PDE8B: variants seen among roughly 807,000 people sequenced by gnomAD.
The protein encoded by PDE8B is high affinity cAMP-specific and IBMX-insensitive 3',5'-cyclic phosphodiesterase 8B.
PDE8B carries 26 observed loss-of-function variants against 101.3 expected under a neutral mutation model. The ratio of observed to expected loss-of-function variants is 0.26; its 90% CI spans 0.19 to 0.36. The LOEUF (loss-of-function observed/expected upper bound fraction) is 0.36. Among genes scored for constraint, PDE8B ranks in the 10% least tolerant of loss-of-function variants. PDE8B has a pLI of 1.00. For missense variants in PDE8B, 810 were observed against 1,163.1 expected (o/e 0.70, Z 4.42); for synonymous variants, 424 against 429.3 (o/e 0.99, Z 0.15).
the PDE8B span, chr5:77,087,738 A>G: frequency 6.6e-6 from 1 of 152,260 alleles, no homozygotes; most frequent in Non-Finnish European, 1.5e-5. Context: ...CTGAAAGGTC[A>G]ACTTTTCTGG....
chr5:77,221,254 A>G (rs1041965332), intron 1 of PDE8B, among the ~76,000 whole-genome samples: 1 of 152,042 alleles, frequency 6.6e-6, no homozygotes, highest in Non-Finnish European at 1.5e-5. Flanking sequence ...GTCTCTTTTA[A>G]TCTGTAGCTT....
chr5:77,126,253 C>G, the PDE8B span, among the ~76,000 whole-genome samples: 1 of 151,768 alleles, frequency 6.6e-6, no homozygotes, highest in South Asian at 2.1e-4. Context: ...CCACTACATT[C>G]CAGCCTGGGC....
chr5:77,280,672 G>C (rs1207002706), intron 1 of PDE8B, among the ~76,000 whole-genome samples: 1 of 152,044 alleles, frequency 6.6e-6, no homozygotes. Context: ...AAGGCGGGTG[G>C]ATCACAAGGT....
chr5:77,318,878 A>G (rs1426712227), intron 2 of PDE8B, among the ~76,000 whole-genome samples: 1 of 152,230 alleles, frequency 6.6e-6, no homozygotes, highest in African/African-American at 2.4e-5. Flanking sequence ...TTGACAATCC[A>G]TTTGAAGACA....
At chr5:77,178,167 T>C in the PDE8B span, among the ~76,000 whole-genome samples, 70 of 152,308 alleles carry the variant, frequency 4.6e-4, 2 homozygotes, top group South Asian at 0.012. Flanking sequence ...TGGCTTTTCT[T>C]TTTCTTTTAT....
At chr5:77,260,610 C>T (rs1760363975) in intron 1 of PDE8B, among the ~76,000 whole-genome samples, 1 of 103,942 alleles carries the variant, frequency 9.6e-6, no homozygotes. Context: ...TTTTTGGAGA[C>T]AGAGTCTCAC....
rs538882649 is a variant in PDE8B, at chr5:77,332,778, G to A, written c.708+1319G>A. 4.3e-3 allele frequency among the ~76,000 whole-genome samples: 644 copies of A among 151,266 alleles called. 4 individuals are homozygous for A. Among genetic ancestry groups the A allele is most frequent in the Non-Finnish European group, 7.5e-3 (506 of 67,890 alleles). On this transcript the variant is annotated intron_variant, in intron 5 of 21. Coordinates refer to ENST00000264917, the MANE Select transcript of PDE8B (RefSeq NM_003719.5). Reference sequence around the variant, plus strand: ...CTTGAACCCAGGAGGTGGAGGTTGCGGTGAGCCAAGATTGCAACATTGCAC... The same window carrying A: ...CTTGAACCCAGGAGGTGGAGGTTGCAGTGAGCCAAGATTGCAACATTGCAC...
At chr5:77,241,799 C>G (rs2149549343) in intron 1 of PDE8B, among the ~76,000 whole-genome samples, 1 of 152,338 alleles carries the variant, frequency 6.6e-6, no homozygotes, top group South Asian at 2.1e-4. Flanking sequence ...CCACAAGTGT[C>G]TGGCTAACTT....
intron 1 of PDE8B, among the ~76,000 whole-genome samples, chr5:77,250,441 T>C (rs1757849452): frequency 6.6e-6 from 1 of 152,186 alleles, no homozygotes; most frequent in Non-Finnish European, 1.5e-5. Flanking sequence ...ACAAGGGACC[T>C]GGGACAGGGA....
chr5:77,259,140 C>A (rs1759937017), intron 1 of PDE8B, among the ~76,000 whole-genome samples: 1 of 143,394 alleles, frequency 7.0e-6, no homozygotes, highest in African/African-American at 2.6e-5. Flanking sequence ...CTCCAGCTGA[C>A]CTGTTTGCAT....
chr5:77,394,099 A>T (rs1291493464), intron 10 of PDE8B, among the ~76,000 whole-genome samples: 10 of 152,254 alleles, frequency 6.6e-5, no homozygotes, highest in African/African-American at 2.4e-4. Flanking sequence ...AAGAATACTC[A>T]TGAAAAGTTT....
intron 1 of PDE8B, among the ~76,000 whole-genome samples, chr5:77,278,545 T>C (rs779321876): frequency 2.0e-5 from 3 of 152,222 alleles, no homozygotes; most frequent in East Asian, 1.9e-4. Context: ...TCTTGTCTCA[T>C]TGCAAGCTCT....
intron 2 of PDE8B, among the ~76,000 whole-genome samples, chr5:77,320,725 G>A (rs554051791): frequency 6.6e-6 from 1 of 152,126 alleles, no homozygotes; most frequent in Admixed American, 6.5e-5. Context: ...TCAGTTAGCT[G>A]TTACTCTTTA....
chr5:77,252,300 C>A (rs1419919115), intron 1 of PDE8B, among the ~76,000 whole-genome samples: 1 of 152,192 alleles, frequency 6.6e-6, no homozygotes, highest in Non-Finnish European at 1.5e-5. Flanking sequence ...CTTTAGCCTC[C>A]TTTTACCCTT....
chr5:77,283,495 T>C lies in PDE8B; in HGVS notation c.340-28499T>C, dbSNP rs566029661. ...GTGCCCCACCTATTCATCTCTCCCT[T>C]CCCACTAATTCCTGACAACCACTGA... On this transcript the variant is annotated intron_variant, in intron 1 of 21. Transcript: ENST00000264917. Among the ~76,000 whole-genome samples the C allele has an allele frequency of 3.3e-5, 5 of 152,304 alleles. No individual in the cohort carries two copies. The East Asian group carries it at 7.7e-4, about 24-fold the overall frequency.
chr5:77,259,360 G>A (rs763921424), intron 1 of PDE8B, among the ~76,000 whole-genome samples: 12 of 152,098 alleles, frequency 7.9e-5, no homozygotes, highest in African/African-American at 2.2e-4. Flanking sequence ...AGCTTCTCTC[G>A]CTATCTTCTT....
intron 1 of PDE8B, among the ~76,000 whole-genome samples, chr5:77,292,543 T>C (rs1767596191): frequency 6.6e-6 from 1 of 152,312 alleles, no homozygotes; most frequent in African/African-American, 2.4e-5. Context: ...CACTGTGAAA[T>C]TCACTGTAAA....
intron 11 of PDE8B, among the ~76,000 whole-genome samples, chr5:77,404,047 G>A (rs1404118021): frequency 1.3e-5 from 2 of 152,150 alleles, no homozygotes; most frequent in South Asian, 2.1e-4. Flanking sequence ...GCAGTGGCAC[G>A]ATCTTGGCTC....
intron 11 of PDE8B, among the ~76,000 whole-genome samples, chr5:77,402,522 TAAG>T (rs1792498982): frequency 3.3e-5 from 5 of 152,322 alleles, no homozygotes; most frequent in South Asian, 2.1e-4. Flanking sequence ...AGTAAATGGT[TAAG>T]AAGGTGGTCT....
Sources: allele counts gnomAD v4.1 joint callset (sites outside exome capture counted in the v4.1 genomes callset), GRCh38; gene constraint gnomAD v4.1.1; transcripts MANE v1.5; gene names NCBI Gene and HGNC (gene_info 2026-07-23, HGNC 2026-07-21).